The following BCL2 variants were observed in gnomAD, a reference collection of about 807,000 sequenced individuals.
The protein encoded by BCL2 is BCL2 apoptosis regulator.
In BCL2, 1 loss-of-function variant was observed where a neutral mutation model predicts 14.2. The observed-to-expected ratio is 0.07, with a 90% CI of 0.02 to 0.33. The LOEUF (loss-of-function observed/expected upper bound fraction) is 0.33. BCL2 is among the 10% of genes least tolerant of loss of function. The pLI, the probability that BCL2 is intolerant of heterozygous loss-of-function variation, is 0.99. For synonymous variants in BCL2, 151 were observed against 137.2 expected, an observed-to-expected ratio of 1.10 and a Z score of -0.70; for missense variants, 247 against 305.9, an observed-to-expected ratio of 0.81 and a Z score of 1.44.
intron 2 of BCL2, among the ~76,000 whole-genome samples, chr18:63,284,026 C>G (rs1295092208): frequency 1.3e-5 from 2 of 152,200 alleles, no homozygotes; most frequent in African/African-American, 4.8e-5. Context: ...TTTTGTCACT[C>G]TAACTGCAGC....
chr18:63,142,718 T>C (rs1417021437), intron 2 of BCL2, among the ~76,000 whole-genome samples: 1 of 152,198 alleles, frequency 6.6e-6, no homozygotes, highest in Admixed American at 6.5e-5. Flanking sequence ...ACATCCTCTG[T>C]GCTCTGGGGG....
At chr18:63,245,632 A>G (rs1911131772) in intron 2 of BCL2, among the ~76,000 whole-genome samples, 2 of 152,220 alleles carry the variant, frequency 1.3e-5, no homozygotes, top group Admixed American at 6.5e-5. Flanking sequence ...GTGCACATAA[A>G]CCATGGTGAA....
intron 2 of BCL2, among the ~76,000 whole-genome samples, chr18:63,269,609 T>G (rs1911943871): frequency 2.0e-5 from 3 of 152,234 alleles, no homozygotes; most frequent in Admixed American, 2.0e-4. Flanking sequence ...AGTCACTTGG[T>G]GAGTTCTCCA....
At chr18:63,256,823 A>G (rs1911491129) in intron 2 of BCL2, among the ~76,000 whole-genome samples, 3 of 152,186 alleles carry the variant, frequency 2.0e-5, no homozygotes, top group East Asian at 3.8e-4. Flanking sequence ...CTAACCATCT[A>G]CAGAGTAAGC....
chr18:63,261,798 T>C (rs202217508), intron 2 of BCL2, among the ~76,000 whole-genome samples: 7 of 140,670 alleles, frequency 5.0e-5, no homozygotes, highest in African/African-American at 1.7e-4. Flanking sequence ...TTTCTTTTTT[T>C]TTTTTTATTT....
At chr18:63,169,387 CTTTTT>C (rs1915163586) in intron 2 of BCL2, among the ~76,000 whole-genome samples, 17 of 65,546 alleles carry the variant, frequency 2.6e-4, no homozygotes, top group South Asian at 1.7e-3. Flanking sequence ...TTCTTTCTTT[CTTTTT>C]CTTTCTTTCT....
intron 2 of BCL2, among the ~76,000 whole-genome samples, chr18:63,259,162 G>A (rs1022600813): frequency 6.6e-6 from 1 of 152,226 alleles, no homozygotes; most frequent in Non-Finnish European, 1.5e-5. Flanking sequence ...TAAGAAGAAT[G>A]TTCACATTGA....
intron 2 of BCL2, among the ~76,000 whole-genome samples, chr18:63,252,926 A>C (rs1342565087): frequency 1.3e-5 from 2 of 152,222 alleles, no homozygotes; most frequent in African/African-American, 4.8e-5. Flanking sequence ...AGAAAGTAGA[A>C]GGAAGAGCAA....
chr18:63,311,357 C>T (rs1913313196), intron 2 of BCL2, among the ~76,000 whole-genome samples: 1 of 152,120 alleles, frequency 6.6e-6, no homozygotes, highest in African/African-American at 2.4e-5. Context: ...TTGTTTGGTG[C>T]TTCAAGTATT....
At chr18:63,203,559 T>C (rs1188431597) in intron 2 of BCL2, among the ~76,000 whole-genome samples, 1 of 152,196 alleles carries the variant, frequency 6.6e-6, no homozygotes, top group Non-Finnish European at 1.5e-5. Context: ...ACTAGTAAGA[T>C]GCGATTAATG....
intron 2 of BCL2, among the ~76,000 whole-genome samples, chr18:63,174,274 C>T (rs1915296654): frequency 6.6e-6 from 1 of 152,146 alleles, no homozygotes; most frequent in Non-Finnish European, 1.5e-5. Context: ...AGGGACCCAG[C>T]CAAGACTATG....
intron 2 of BCL2, among the ~76,000 whole-genome samples, chr18:63,139,477 C>A (rs1194793397): frequency 6.6e-6 from 1 of 152,166 alleles, no homozygotes; most frequent in Non-Finnish European, 1.5e-5. Flanking sequence ...ACATGCCCTG[C>A]CCTATAGTAA....
In BCL2 at chr18:63,128,471, G is replaced by T. The variant is rs1340765227; in HGVS notation, c.*154C>A. ...CTGAAGACTGTTAATTGTTGTGTGT[G>T]TGTGTGTCTGTCTGTGTGTGTGATG... On this transcript the variant is annotated 3_prime_UTR_variant, in exon 3 of 3. Coordinates refer to ENST00000333681, the MANE Select transcript of BCL2 (RefSeq NM_000633.3). 1.8e-6 allele frequency: 1 copy of T among 560,566 alleles called. No homozygotes were observed. Among genetic ancestry groups the T allele is most frequent in the East Asian group, 2.8e-5 (1 of 35,338 alleles). 34.7% of individuals were successfully genotyped at this position (560,566 alleles called of 1,614,324 possible). A position where few individuals can be genotyped will look rare whatever the true frequency, so the allele number is the denominator to read the frequency against.
chr18:63,271,965 A>C (rs548465707), intron 2 of BCL2, among the ~76,000 whole-genome samples: 26 of 152,322 alleles, frequency 1.7e-4, no homozygotes, highest in African/African-American at 6.3e-4. Context: ...CCCCTTGCTC[A>C]AAGGCAAACT....
At chr18:63,223,079 C>T (rs1193355309) in intron 2 of BCL2, among the ~76,000 whole-genome samples, 1 of 152,202 alleles carries the variant, frequency 6.6e-6, no homozygotes, top group African/African-American at 2.4e-5. Context: ...ACCTCTGGAA[C>T]TGTGCGGAAG....
chr18:63,207,623 AG>A (rs1448732783), intron 2 of BCL2: 1 of 152,244 alleles, frequency 6.6e-6, no homozygotes, highest in South Asian at 2.1e-4. Context: ...GGGTGGGGGC[AG>A]GAGTCAGTCC....
At chr18:63,261,561 T>C (rs556859386) in intron 2 of BCL2, among the ~76,000 whole-genome samples, 1 of 152,220 alleles carries the variant, frequency 6.6e-6, no homozygotes, top group African/African-American at 2.4e-5. Flanking sequence ...GTGGAGTTGT[T>C]GAATGAATAG....
chr18:63,233,154 C>T (rs1316232958), intron 2 of BCL2, among the ~76,000 whole-genome samples: 1 of 152,124 alleles, frequency 6.6e-6, no homozygotes, highest in Non-Finnish European at 1.5e-5. Flanking sequence ...AGGGCTCTAC[C>T]CTTGTGACCT....
rs199891586 is a variant in BCL2, at chr18:63,220,967, AATGGTAT to A, written c.586-92215_586-92209del. On this transcript the variant is annotated intron_variant, in intron 2 of 2. Transcript: ENST00000333681. Reference sequence around the variant, plus strand: ...ACAACAGCAAGTCAAGACAAACACAAATGGTATATGTGGCTTTTCCAAAATGTCTCAG... The same window carrying A: ...ACAACAGCAAGTCAAGACAAACACAAATGTGGCTTTTCCAAAATGTCTCAG... Among the ~76,000 whole-genome samples, 225 of 150,444 alleles carry A rather than the reference AATGGTAT, an allele frequency of 1.5e-3. 1 individual carries two copies. The East Asian group carries it at 0.03, about 20-fold the overall frequency.
Sources: allele counts gnomAD v4.1 joint callset (sites outside exome capture counted in the v4.1 genomes callset), GRCh38; gene constraint gnomAD v4.1.1; transcripts MANE v1.5; gene names NCBI Gene and HGNC (gene_info 2026-07-23, HGNC 2026-07-21).